Variants in GMDS observed in about 807,000 individuals in gnomAD.
The protein encoded by GMDS is GDP-mannose 4,6-dehydratase.
GMDS carries 20 observed loss-of-function variants against 49.9 expected under a neutral mutation model. That is an observed-to-expected ratio of 0.40 (90% CI 0.28 to 0.58). The LOEUF is 0.58. GMDS is among the 20% of genes least tolerant of loss of function. The pLI is 0.42. For missense variants in GMDS, 362 were observed against 481.4 expected, an observed-to-expected ratio of 0.75 and a Z score of 2.32; for synonymous variants, 177 against 178.6, an observed-to-expected ratio of 0.99 and a Z score of 0.07.
At chr6:2,082,626 A>T (rs1772780813) in intron 4 of GMDS, among the ~76,000 whole-genome samples, 1 of 152,260 alleles carries the variant, frequency 6.6e-6, no homozygotes, top group African/African-American at 2.4e-5. Flanking sequence ...GAGAGCATCT[A>T]AAACAGTGTT....
chr6:2,198,257 T>C (rs182155580), intron 1 of GMDS, among the ~76,000 whole-genome samples: 3 of 152,238 alleles, frequency 2.0e-5, no homozygotes, highest in African/African-American at 7.2e-5. Context: ...CAGATGCATA[T>C]GCCTGTACAC....
chr6:1,813,385 A>G (rs1387104433), intron 7 of GMDS, among the ~76,000 whole-genome samples: 2 of 152,272 alleles, frequency 1.3e-5, no homozygotes, highest in South Asian at 4.1e-4. Context: ...CAGAAGAGAA[A>G]CCCAGCGCTC....
At chr6:1,835,134 G>C (rs1328229948) in intron 7 of GMDS, among the ~76,000 whole-genome samples, 1 of 152,180 alleles carries the variant, frequency 6.6e-6, no homozygotes, top group African/African-American at 2.4e-5. Flanking sequence ...ACACGGACGG[G>C]AGGGGCACAG....
chr6:2,164,941 A>T (rs1190029719), intron 1 of GMDS, among the ~76,000 whole-genome samples: 2 of 152,228 alleles, frequency 1.3e-5, no homozygotes, highest in Non-Finnish European at 2.9e-5. Flanking sequence ...CAAAAATATC[A>T]TATACACAGT....
chr6:1,646,078 C>A (rs1290395753), intron 9 of GMDS, among the ~76,000 whole-genome samples: 1 of 152,214 alleles, frequency 6.6e-6, no homozygotes, highest in African/African-American at 2.4e-5. Context: ...CAACTAAATG[C>A]AATTGTTCTT....
intron 9 of GMDS, among the ~76,000 whole-genome samples, chr6:1,673,970 A>ATTTTTTTAT (rs1554106277): frequency 6.9e-6 from 1 of 144,854 alleles, no homozygotes; most frequent in African/African-American, 2.5e-5. Context: ...TAGGTTGATT[A>ATTTTTTTAT]TTAATAATGC....
rs1765233181 is a variant in GMDS at position 1,981,780 on chromosome 6, T to TA, written c.346-20815dup. Among the ~76,000 whole-genome samples the TA allele has an allele frequency of 2.0e-5, 3 of 152,280 alleles. No individual in the cohort carries two copies. In the South Asian group the frequency reaches 6.2e-4, roughly 32 times the overall value. On this transcript the variant is annotated intron_variant, in intron 4 of 10. Coordinates refer to ENST00000380815, the MANE Select transcript of GMDS (RefSeq NM_001500.4). ...ATCAGTGCAAAAATCCTCAACCAAATACTGGCAAACCGAATCTGGCAGCAC... is the reference window on the plus strand; with the variant it reads ...ATCAGTGCAAAAATCCTCAACCAAATAACTGGCAAACCGAATCTGGCAGCAC...
At chr6:1,729,407 T>A (rs1327564089) in intron 8 of GMDS, among the ~76,000 whole-genome samples, 1 of 152,170 alleles carries the variant, frequency 6.6e-6, no homozygotes, top group East Asian at 1.9e-4. Context: ...CAAAACAGTC[T>A]CTAAGGGCAT....
intron 4 of GMDS, among the ~76,000 whole-genome samples, chr6:2,114,340 G>A (rs1774722928): frequency 6.6e-6 from 1 of 152,114 alleles, no homozygotes; most frequent in African/African-American, 2.4e-5. Flanking sequence ...TCAAGAAGCA[G>A]CCAGATGACT....
intron 1 of GMDS, among the ~76,000 whole-genome samples, chr6:2,213,218 C>G (rs1190809928): frequency 6.6e-6 from 1 of 152,204 alleles, no homozygotes; most frequent in Non-Finnish European, 1.5e-5. Flanking sequence ...TGTCCTGACT[C>G]AAGAGTCCCT....
At chr6:1,905,521 G>A (rs1346488016) in intron 7 of GMDS, among the ~76,000 whole-genome samples, 3 of 145,206 alleles carry the variant, frequency 2.1e-5, no homozygotes, top group Non-Finnish European at 4.5e-5. Flanking sequence ...CATAGCTGTG[G>A]GTGCTGGCGT....
chr6:1,742,347 C>T, intron 8 of GMDS, 121 bp downstream of exon 8: 1 of 646,956 alleles, frequency 1.5e-6, no homozygotes, highest in Non-Finnish European at 2.8e-6. Context: ...TACACTGAAA[C>T]TTTCTGTATT....
At chr6:2,174,186 T>C (rs1021761628) in intron 1 of GMDS, among the ~76,000 whole-genome samples, 1 of 152,180 alleles carries the variant, frequency 6.6e-6, no homozygotes, top group African/African-American at 2.4e-5. Context: ...AGGCTCAGAG[T>C]TCCTGAATTT....
intron 9 of GMDS, among the ~76,000 whole-genome samples, chr6:1,661,107 C>G (rs990712908): frequency 2.0e-5 from 3 of 152,132 alleles, no homozygotes; most frequent in African/African-American, 7.2e-5. Context: ...CCATTTGCAG[C>G]AAATACCATG....
chr6:2,092,774 T>C (rs1773393127), intron 4 of GMDS, among the ~76,000 whole-genome samples: 1 of 152,170 alleles, frequency 6.6e-6, no homozygotes. Context: ...CAGAATCCAG[T>C]ACATTTCTTC....
intron 4 of GMDS, among the ~76,000 whole-genome samples, chr6:2,045,986 G>A (rs997976285): frequency 2.6e-5 from 4 of 152,258 alleles, no homozygotes; most frequent in African/African-American, 7.2e-5. Flanking sequence ...CAAGGCAGGA[G>A]GATCACTTGA....
chr6:2,164,916 T>C (rs1777587384), intron 1 of GMDS, among the ~76,000 whole-genome samples: 1 of 152,208 alleles, frequency 6.6e-6, no homozygotes, highest in African/African-American at 2.4e-5. Context: ...TATTTGTTAG[T>C]TTACCAAAAA....
At chr6:1,792,063 T>A (rs981103523) in intron 7 of GMDS, among the ~76,000 whole-genome samples, 1 of 152,198 alleles carries the variant, frequency 6.6e-6, no homozygotes, top group Non-Finnish European at 1.5e-5. Flanking sequence ...AGCATATTTA[T>A]ATACTTTTAA....
intron 8 of GMDS, among the ~76,000 whole-genome samples, chr6:1,737,652 TACAC>T (rs1389338313): frequency 2.6e-5 from 3 of 117,484 alleles, no homozygotes; most frequent in Non-Finnish European, 3.5e-5. Flanking sequence ...TACATACACA[TACAC>T]ACACCACACA....
Sources: gnomAD v4.1 joint callset for allele counts (sites outside exome capture counted in the v4.1 genomes callset) on GRCh38, gnomAD v4.1.1 for gene constraint, MANE v1.5 for transcripts, NCBI Gene and HGNC (gene_info 2026-07-23, HGNC 2026-07-21) for gene names.